The following NCAM2 variants were observed in gnomAD, a reference collection of about 807,000 sequenced individuals.
The protein encoded by NCAM2 is N-CAM-2.
A neutral mutation model predicts 98.1 loss-of-function variants in NCAM2; 30 were observed. The ratio of observed to expected loss-of-function variants is 0.31; its 90% CI spans 0.23 to 0.41. The LOEUF is 0.41. NCAM2 is among the 10% of genes least tolerant of loss of function. NCAM2 has a pLI of 1.00. For missense variants in NCAM2, 867 were observed against 1,005.8 expected (o/e 0.86, Z 1.87); for synonymous variants, 368 against 342.4 (o/e 1.07, Z -0.83).
intron 16 of NCAM2, among the ~76,000 whole-genome samples, chr21:21,529,955 G>T (rs906530222): frequency 6.0e-5 from 9 of 150,188 alleles, no homozygotes; most frequent in South Asian, 2.1e-4. Context: ...CTCCCTCTCT[G>T]TTGATAAAAC....
chr21:21,469,753 G>T (rs1443506050), intron 14 of NCAM2, among the ~76,000 whole-genome samples: 2 of 151,836 alleles, frequency 1.3e-5, no homozygotes, highest in Non-Finnish European at 2.9e-5. Context: ...ATTTTGAATG[G>T]CATATTTTAA....
intron 8 of NCAM2, among the ~76,000 whole-genome samples, chr21:21,361,943 A>G (rs1009855743): frequency 2.0e-5 from 3 of 152,168 alleles, no homozygotes; most frequent in African/African-American, 7.2e-5. Context: ...CAGGTTTGTT[A>G]TATAGGTAAA....
At chr21:21,399,914 G>T (rs1283134807) in intron 9 of NCAM2, among the ~76,000 whole-genome samples, 1 of 152,126 alleles carries the variant, frequency 6.6e-6, no homozygotes, top group Non-Finnish European at 1.5e-5. Context: ...TAGAAAGCTT[G>T]CATTAAGCAA....
At chr21:21,512,736 A>C (rs1037516773) in intron 16 of NCAM2, among the ~76,000 whole-genome samples, 1 of 151,842 alleles carries the variant, frequency 6.6e-6, no homozygotes, top group Non-Finnish European at 1.5e-5. Flanking sequence ...AATGCCTTTT[A>C]ATTTTTGTGT....
chr21:21,054,440 G>A (rs2065173873), intron 1 of NCAM2, among the ~76,000 whole-genome samples: 1 of 151,962 alleles, frequency 6.6e-6, no homozygotes, highest in Non-Finnish European at 1.5e-5. Context: ...TTTAGTACAT[G>A]AAGATATACT....
chr21:21,312,598 T>C (rs1248266421), intron 5 of NCAM2, among the ~76,000 whole-genome samples: 1 of 122 alleles, frequency 8.2e-3, no homozygotes, highest in Non-Finnish European at 0.014. Context: ...TGTTGATATA[T>C]TTCCTATTTA....
At chr21:21,454,958 T>C (rs898666304) in intron 12 of NCAM2, among the ~76,000 whole-genome samples, 1 of 151,976 alleles carries the variant, frequency 6.6e-6, no homozygotes, top group South Asian at 2.1e-4. Context: ...AGCCTTAATA[T>C]ACATTTTCCT....
chr21:21,127,825 C>T (rs1002671875), intron 1 of NCAM2, among the ~76,000 whole-genome samples: 4 of 151,956 alleles, frequency 2.6e-5, no homozygotes, highest in East Asian at 1.9e-4. Flanking sequence ...TGTATATATA[C>T]GTATATACAC....
rs73216098 is a variant in NCAM2, at chr21:21,497,962, C to T, written c.2078-10889C>T. Among the ~76,000 whole-genome samples, 659 of 151,790 alleles carry T rather than the reference C, an allele frequency of 4.3e-3. 7 individuals are homozygous for T. The highest frequency in any genetic ancestry group is 5.6e-3 in the Non-Finnish European group (381 of 67,918). ...TTTAAAACCTAAAGTTTTCAAATTC[C>T]CCAAATAATATGTGGATGCTGTAAA... On this transcript the variant is annotated intron_variant, in intron 15 of 17. Transcript: ENST00000400546.
chr21:21,453,586 A>T (rs1159408912), intron 12 of NCAM2, among the ~76,000 whole-genome samples: 1 of 152,106 alleles, frequency 6.6e-6, no homozygotes, highest in African/African-American at 2.4e-5. Context: ...ATTAAAAGGG[A>T]TCATTTTGAG....
At chr21:21,081,350 G>T (rs1037328677) in intron 1 of NCAM2, among the ~76,000 whole-genome samples, 3 of 152,220 alleles carry the variant, frequency 2.0e-5, no homozygotes, top group Middle Eastern at 3.4e-3. Flanking sequence ...CCTGATGCCG[G>T]CTGTCACCAA....
At chr21:21,284,660 T>G (rs1398877236) in intron 3 of NCAM2, among the ~76,000 whole-genome samples, 1 of 151,726 alleles carries the variant, frequency 6.6e-6, no homozygotes, top group East Asian at 1.9e-4. Context: ...AAGAATTCAC[T>G]GGGTATATAG....
At chr21:21,200,408 T>A (rs9976391) in intron 1 of NCAM2, among the ~76,000 whole-genome samples, 142,276 of 143,246 alleles carry the variant, frequency 0.99, 70,655 homozygotes, top group South Asian at 1. Context: ...ACCCCATGCC[T>A]GAAAAAAAAA....
At chr21:21,229,593 A>G (rs1429037020) in intron 1 of NCAM2, among the ~76,000 whole-genome samples, 2 of 151,544 alleles carry the variant, frequency 1.3e-5, no homozygotes, top group Non-Finnish European at 3.0e-5. Flanking sequence ...AAGGTTGCAT[A>G]GCCGGGAAGT....
At chr21:21,461,272 T>G (rs1302528667) in intron 12 of NCAM2, among the ~76,000 whole-genome samples, 2 of 151,938 alleles carry the variant, frequency 1.3e-5, no homozygotes, top group Non-Finnish European at 2.9e-5. Context: ...TCAATGAAAC[T>G]GTTATGTTTT....
intron 5 of NCAM2, among the ~76,000 whole-genome samples, chr21:21,323,389 A>G (rs532814928): frequency 1.3e-5 from 2 of 152,144 alleles, no homozygotes; most frequent in East Asian, 1.9e-4. Context: ...TCTACCATCA[A>G]TGGAGGTAAT....
intron 1 of NCAM2, among the ~76,000 whole-genome samples, chr21:21,032,521 C>A (rs1461465390): frequency 6.6e-6 from 1 of 152,122 alleles, no homozygotes; most frequent in African/African-American, 2.4e-5. Flanking sequence ...CAAAGTAATA[C>A]TAATGTCAAC....
At chr21:21,265,893 T>C (rs1436164641) in intron 1 of NCAM2, among the ~76,000 whole-genome samples, 1 of 152,074 alleles carries the variant, frequency 6.6e-6, no homozygotes, top group African/African-American at 2.4e-5. Context: ...CATGTACCCC[T>C]GAATCTATAA....
At chr21:21,434,157 A>G (rs2077416863) in intron 12 of NCAM2, among the ~76,000 whole-genome samples, 1 of 152,228 alleles carries the variant, frequency 6.6e-6, no homozygotes. Context: ...AAATATAATA[A>G]CAAAGCACAT....
Sources: gnomAD v4.1 joint callset for allele counts (sites outside exome capture counted in the v4.1 genomes callset) on GRCh38, gnomAD v4.1.1 for gene constraint, MANE v1.5 for transcripts, NCBI Gene and HGNC (gene_info 2026-07-23, HGNC 2026-07-21) for gene names.